The following NREP variants were observed in gnomAD, a reference collection of about 807,000 sequenced individuals.
NREP encodes the protein neuronal regeneration-related protein.
NREP carries 5 observed loss-of-function variants against 8.6 expected under a neutral mutation model. The observed-to-expected ratio is 0.58, with a 90% CI of 0.30 to 1.22. The LOEUF is 1.22. NREP is among the 50% of genes most tolerant of loss of function. NREP has a pLI of 0.07. For missense variants in NREP, 86 were observed against 82.5 expected (o/e 1.04, Z -0.17); for synonymous variants, 27 against 28.0 (o/e 0.96, Z 0.11).
intron 2 of NREP, among the ~76,000 whole-genome samples, chr5:111,868,717 C>T (rs1334557365): frequency 6.6e-6 from 1 of 152,160 alleles, no homozygotes; most frequent in East Asian, 1.9e-4. Context: ...TTGAACTTGC[C>T]TCTTCTATTA....
At chr5:111,953,672 T>C (rs139693638) in intron 2 of NREP, among the ~76,000 whole-genome samples, 7 of 152,134 alleles carry the variant, frequency 4.6e-5, no homozygotes, top group Non-Finnish European at 1.0e-4. Context: ...AGAACGAGGA[T>C]AGGAACCAAG....
At chr5:111,781,731 A>G (rs1751499110) in intron 2 of NREP, among the ~76,000 whole-genome samples, 1 of 152,218 alleles carries the variant, frequency 6.6e-6, no homozygotes, top group Non-Finnish European at 1.5e-5. Context: ...GACTTGGGTC[A>G]TATCTGTTTT....
intron 2 of NREP, among the ~76,000 whole-genome samples, chr5:111,895,732 C>T (rs1020251225): frequency 6.6e-6 from 1 of 152,128 alleles, no homozygotes; most frequent in Non-Finnish European, 1.5e-5. Context: ...TATTCCTTAG[C>T]CTCTACCCAA....
chr5:111,972,440 T>C (rs1030523501), intron 2 of NREP, among the ~76,000 whole-genome samples: 2 of 152,230 alleles, frequency 1.3e-5, no homozygotes, highest in African/African-American at 2.4e-5. Flanking sequence ...GATTCTAAAC[T>C]CTTTGAAGAA....
intron 2 of NREP, among the ~76,000 whole-genome samples, chr5:111,886,879 G>C (rs892106070): frequency 1.2e-4 from 18 of 151,886 alleles, no homozygotes; most frequent in African/African-American, 4.1e-4. Context: ...GCTAAATGAC[G>C]AGTTAATGGG....
intron 2 of NREP, among the ~76,000 whole-genome samples, chr5:111,864,354 T>C (rs1753618906): frequency 6.6e-6 from 1 of 152,148 alleles, no homozygotes; most frequent in South Asian, 2.1e-4. Flanking sequence ...TGCAGTGCTC[T>C]CTTTTAGCTG....
intron 2 of NREP, among the ~76,000 whole-genome samples, chr5:111,940,457 T>C (rs1755799848): frequency 6.6e-6 from 1 of 152,050 alleles, no homozygotes; most frequent in Non-Finnish European, 1.5e-5. Context: ...AGTGTCTGTC[T>C]GTCTGCCATG....
chr5:111,840,064 T>C (rs1752989680), intron 2 of NREP, among the ~76,000 whole-genome samples: 2 of 152,062 alleles, frequency 1.3e-5, no homozygotes, highest in Non-Finnish European at 2.9e-5. Flanking sequence ...GTTTAGTGAT[T>C]TAAGTATAAT....
intron 2 of NREP, among the ~76,000 whole-genome samples, chr5:111,882,018 G>A (rs1754091426): frequency 1.3e-5 from 2 of 152,140 alleles, no homozygotes. Context: ...GGCTTCAGAT[G>A]ATCAAACTAC....
At chr5:111,971,691 AC>A (rs768692464) in intron 2 of NREP, among the ~76,000 whole-genome samples, 1 of 152,182 alleles carries the variant, frequency 6.6e-6, no homozygotes, top group Non-Finnish European at 1.5e-5. Flanking sequence ...ATGAAATTAG[AC>A]CCTTATTTCA....
intron 3 of NREP, chr5:111,734,918 A>G (rs1748965137): frequency 2.3e-6 from 1 of 437,540 alleles, no homozygotes; most frequent in Non-Finnish European, 4.0e-6. Flanking sequence ...AATTTTCTTG[A>G]GGCAGAGAAC....
At chr5:111,854,698 C>T (rs1358320140) in intron 2 of NREP, among the ~76,000 whole-genome samples, 3 of 151,986 alleles carry the variant, frequency 2.0e-5, no homozygotes, top group Non-Finnish European at 2.9e-5. Flanking sequence ...TTTTTCATTG[C>T]GTAAGTGAAA....
At chr5:111,915,465 G>T (rs952526751) in intron 2 of NREP, among the ~76,000 whole-genome samples, 2 of 151,918 alleles carry the variant, frequency 1.3e-5, no homozygotes, top group Non-Finnish European at 2.9e-5. Flanking sequence ...TACTACAAGA[G>T]GCAATGACAG....
At chr5:111,852,086 A>T (rs1286897450) in intron 2 of NREP, among the ~76,000 whole-genome samples, 15 of 152,152 alleles carry the variant, frequency 9.9e-5, no homozygotes, top group Non-Finnish European at 1.9e-4. Flanking sequence ...GTAGTGCCTT[A>T]TAAAAGAGCT....
intron 2 of NREP, among the ~76,000 whole-genome samples, chr5:111,783,374 G>T (rs748804335): frequency 3.3e-5 from 5 of 152,016 alleles, no homozygotes; most frequent in Non-Finnish European, 7.4e-5. Flanking sequence ...TATATGTTGG[G>T]GAAAAGATAC....
intron 2 of NREP, among the ~76,000 whole-genome samples, chr5:111,770,527 T>C (rs1369426704): frequency 6.7e-6 from 1 of 148,586 alleles, no homozygotes; most frequent in Non-Finnish European, 1.5e-5. Context: ...GAATAAAAAA[T>C]ATTATTTGGT....
At chr5:111,848,398 G>A (rs1753230538) in intron 2 of NREP, among the ~76,000 whole-genome samples, 1 of 151,818 alleles carries the variant, frequency 6.6e-6, no homozygotes, top group African/African-American at 2.4e-5. Flanking sequence ...ATGCTCACAG[G>A]ATGCTTTTGA....
chr5:111,960,579 G>C lies in NREP; in HGVS notation c.135+14695C>G, dbSNP rs77293353. ...TCTGTTTGAATATAATAGTTCATGA[G>C]TACTGTATTAGGCAATCTGAGTAGG... On this transcript the variant is annotated intron_variant, in intron 2 of 3. Transcript: ENST00000395634. Among the ~76,000 whole-genome samples, 992 of 152,276 alleles carry C rather than the reference G, an allele frequency of 6.5e-3. 15 individuals are homozygous for C. Among genetic ancestry groups the C allele is most frequent in the African/African-American group, 0.023 (954 of 41,558 alleles).
intron 2 of NREP, among the ~76,000 whole-genome samples, chr5:111,780,824 A>T (rs1385894998): frequency 1.3e-5 from 2 of 152,116 alleles, no homozygotes; most frequent in African/African-American, 2.4e-5. Flanking sequence ...CCCCTATCCC[A>T]TATGCTCTTT....
Sources: gnomAD v4.1 joint callset for allele counts (sites outside exome capture counted in the v4.1 genomes callset) on GRCh38, gnomAD v4.1.1 for gene constraint, MANE v1.5 for transcripts, NCBI Gene and HGNC (gene_info 2026-07-23, HGNC 2026-07-21) for gene names.